RUNX1T1: variants seen among roughly 807,000 people sequenced by gnomAD.
RUNX1T1 encodes the protein RUNX1 partner transcriptional co-repressor 1.
Under a neutral mutation model 62.8 loss-of-function variants are expected in RUNX1T1, and 4 were observed. The ratio of observed to expected loss-of-function variants is 0.06; its 90% confidence interval spans 0.03 to 0.15. RUNX1T1 has a LOEUF of 0.15. RUNX1T1 is among the 10% of genes least tolerant of loss of function. The probability of loss-of-function intolerance (pLI) is 1.00; values close to 1 mark genes in which losing one functional copy is unlikely to be tolerated. For missense variants in RUNX1T1, 508 were observed against 754.3 expected, an observed-to-expected ratio of 0.67 and a Z score of 3.82; for synonymous variants, 291 against 286.0, an observed-to-expected ratio of 1.02 and a Z score of -0.18.
chr8:92,001,495 AC>A (rs1819752708), intron 5 of RUNX1T1, among the ~76,000 whole-genome samples: 1 of 152,248 alleles, frequency 6.6e-6, no homozygotes, highest in African/African-American at 2.4e-5. Flanking sequence ...AGGAGGAAAT[AC>A]ATATTAATCC....
upstream of RUNX1T1, among the ~76,000 whole-genome samples, chr8:92,066,335 C>T (rs1832869159): frequency 6.6e-6 from 1 of 152,186 alleles, no homozygotes; most frequent in South Asian, 2.1e-4. Flanking sequence ...CAATTTCAGA[C>T]CACTGGCCAC....
intron 1 of RUNX1T1, among the ~76,000 whole-genome samples, chr8:92,097,462 AC>A (rs564693431): frequency 2.0e-5 from 3 of 151,840 alleles, no homozygotes; most frequent in Non-Finnish European, 4.4e-5. Context: ...AACCACACAT[AC>A]CCCCACCCTT....
intron 8 of RUNX1T1, among the ~76,000 whole-genome samples, chr8:91,978,683 T>C (rs1265840298): frequency 1.3e-5 from 2 of 152,320 alleles, no homozygotes; most frequent in East Asian, 1.9e-4. Flanking sequence ...ATTTCTTAGA[T>C]GACACTTTCA....
intron 1 of RUNX1T1, among the ~76,000 whole-genome samples, chr8:92,027,095 G>A (rs1399653470): frequency 2.3e-5 from 3 of 128,446 alleles, no homozygotes; most frequent in South Asian, 2.4e-4. Context: ...CAGCCTGGGC[G>A]ACAGAGCGAA....
intron 1 of RUNX1T1, chr8:92,095,379 G>C: frequency 6.5e-7 from 1 of 1,535,444 alleles, no homozygotes; most frequent in Non-Finnish European, 8.7e-7. Context: ...GAGCGGCCGC[G>C]GCCGAGGCGG....
chr8:92,060,553 A>ATATATGTGTGTGTGTGTGTGTGTGTGTG, intron 1 of RUNX1T1, among the ~76,000 whole-genome samples: 1 of 63,972 alleles, frequency 1.6e-5, no homozygotes, highest in African/African-American at 5.8e-5. Context: ...ATATATATAT[A>ATATATGTGTGTGTGTGTGTGTGTGTGTG]TGTGTGTGTG....
rs1270037472 is a variant in RUNX1T1, at chr8:92,019,865, G to A, written c.8-2502C>T. On this transcript the variant is annotated intron_variant, in intron 1 of 10. Transcript: ENST00000396218. The stretch of plus-strand genomic sequence containing the variant: ...CTTGTAACGACTCCTATCCAGAACA[G>A]CAACATCATCATCCATAGATTATTT... Among the ~76,000 whole-genome samples, 3 of 152,092 alleles carry A rather than the reference G, an allele frequency of 2.0e-5. No homozygotes were observed. The East Asian group carries it at 5.8e-4, about 29-fold the overall frequency.
At chr8:92,032,093 C>CAAAAAA (rs59047751) in intron 1 of RUNX1T1, among the ~76,000 whole-genome samples, 6 of 29,540 alleles carry the variant, frequency 2.0e-4, no homozygotes, top group Admixed American at 4.3e-4. Flanking sequence ...AATCCTGTCT[C>CAAAAAA]AAAAAAAAAA....
chr8:92,002,423 CAT>C (rs1365350881), intron 5 of RUNX1T1, among the ~76,000 whole-genome samples: 1 of 151,950 alleles, frequency 6.6e-6, no homozygotes, highest in East Asian at 1.9e-4. Flanking sequence ...AGAAAAAAAA[CAT>C]AACCAGTGAC....
At chr8:92,033,932 G>A (rs956405359) in intron 1 of RUNX1T1, among the ~76,000 whole-genome samples, 4 of 151,724 alleles carry the variant, frequency 2.6e-5, no homozygotes, top group East Asian at 3.9e-4. Flanking sequence ...CTGCACCACC[G>A]CACTCCAGCC....
At chr8:92,098,159 G>A (rs1837874477) in intron 1 of RUNX1T1, among the ~76,000 whole-genome samples, 1 of 152,166 alleles carries the variant, frequency 6.6e-6, no homozygotes, top group Non-Finnish European at 1.5e-5. Context: ...GCTATAATGT[G>A]AGAATTCCAA....
intron 1 of RUNX1T1, among the ~76,000 whole-genome samples, chr8:92,030,341 A>G (rs950571381): frequency 1.3e-5 from 2 of 152,196 alleles, no homozygotes; most frequent in Admixed American, 6.5e-5. Context: ...GGACATATCA[A>G]TTCTTATCAT....
chr8:92,066,943 C>A (rs139035453), upstream of RUNX1T1, among the ~76,000 whole-genome samples: 1,223 of 152,294 alleles, frequency 8.0e-3, 12 homozygotes, highest in African/African-American at 0.027. Context: ...AACACATTTA[C>A]GCTATTCCCT....
At chr8:92,051,475 A>G (rs996117503) in intron 1 of RUNX1T1, among the ~76,000 whole-genome samples, 22 of 152,184 alleles carry the variant, frequency 1.4e-4, no homozygotes, top group Admixed American at 1.2e-3. Context: ...ATTAAAAACT[A>G]CTTAATTTCA....
At chr8:92,028,636 G>C (rs987546380) in intron 1 of RUNX1T1, among the ~76,000 whole-genome samples, 2 of 152,034 alleles carry the variant, frequency 1.3e-5, no homozygotes, top group African/African-American at 4.8e-5. Context: ...TAAAAATAAG[G>C]GTCCTTGTTT....
intron 1 of RUNX1T1, among the ~76,000 whole-genome samples, chr8:92,024,080 T>A (rs1039315633): frequency 1.3e-5 from 2 of 152,194 alleles, no homozygotes; most frequent in Non-Finnish European, 2.9e-5. Flanking sequence ...TACGAGGGAC[T>A]TGTCATATCC....
At chr8:92,102,950 G>A, upstream of RUNX1T1, 1 of 1,484,002 alleles carries the variant, frequency 6.7e-7, no homozygotes, top group East Asian at 2.8e-5. This position sits in a 1 kb window ranked among gnomAD's most constrained non-coding sequence, Gnocchi z 4.5. Context: ...GGGCGACGGG[G>A]CGAGGACGCG....
intron 1 of RUNX1T1, among the ~76,000 whole-genome samples, chr8:92,040,430 G>A (rs932532990): frequency 6.6e-6 from 1 of 152,086 alleles, no homozygotes; most frequent in Non-Finnish European, 1.5e-5. Flanking sequence ...TCCATCCCCA[G>A]CATTCTGCAC....
intron 3 of RUNX1T1, among the ~76,000 whole-genome samples, chr8:92,013,079 T>A (rs1586995655): frequency 6.6e-6 from 1 of 151,718 alleles, no homozygotes; most frequent in East Asian, 1.9e-4. Flanking sequence ...AAAAAAAAAA[T>A]TTTGCTAAGA....
Sources: gnomAD v4.1 joint callset for allele counts (sites outside exome capture counted in the v4.1 genomes callset) on GRCh38, gnomAD v4.1.1 for gene constraint, Gnocchi (gnomAD v3.1) non-coding constraint, MANE v1.5 for transcripts, NCBI Gene and HGNC (gene_info 2026-07-23, HGNC 2026-07-21) for gene names.